The following DPP6 variants were observed in gnomAD, a reference collection of about 807,000 sequenced individuals.
The protein encoded by DPP6 is dipeptidyl peptidase like 6, also known as A-type potassium channel modulatory protein DPP6.
In DPP6, 69 loss-of-function variants were observed where a neutral mutation model predicts 122.6. That is an observed-to-expected ratio of 0.56 (90% CI 0.46 to 0.69). The LOEUF is 0.69. Ranked by LOEUF, DPP6 falls within the 30% of genes least tolerant of loss-of-function variation. The probability of loss-of-function intolerance (pLI) is 0.00; values close to 1 mark genes in which losing one functional copy is unlikely to be tolerated. For missense variants in DPP6, 928 were observed against 1,116.9 expected (o/e 0.83, Z 2.41); for synonymous variants, 418 against 433.1 (o/e 0.97, Z 0.43).
Position 154,334,000 on chromosome 7 carries a change from A to G in DPP6, c.244-112214A>G, listed in dbSNP as rs1414687306. 4.6e-5 allele frequency among the ~76,000 whole-genome samples: 7 copies of G among 152,302 alleles called. No homozygotes were observed. In the South Asian group the frequency reaches 1.2e-3, roughly 27 times the overall value. On this transcript the variant is annotated intron_variant, in intron 1 of 25. Transcript: ENST00000377770. Reference sequence around the variant, plus strand: ...CATAATACATTTCAGAATTATTTTTATAACTTAATAGTATAAATACAAAAT... The same window carrying G: ...CATAATACATTTCAGAATTATTTTTGTAACTTAATAGTATAAATACAAAAT...
intron 1 of DPP6, among the ~76,000 whole-genome samples, chr7:153,894,395 C>T (rs1799323601): frequency 2.6e-5 from 4 of 152,072 alleles, no homozygotes; most frequent in Admixed American, 2.0e-4. Flanking sequence ...CTTCTAGGTC[C>T]CTTGAACATA....
At chr7:154,381,196 T>C (rs1490196749) in intron 1 of DPP6, among the ~76,000 whole-genome samples, 1 of 152,162 alleles carries the variant, frequency 6.6e-6, no homozygotes. Flanking sequence ...GACTCTGTGG[T>C]CTTAAAAGCC....
chr7:154,210,265 AG>A (rs1799670031), intron 1 of DPP6, among the ~76,000 whole-genome samples: 1 of 152,092 alleles, frequency 6.6e-6, no homozygotes, highest in Admixed American at 6.6e-5. Flanking sequence ...AGTCAATGGC[AG>A]GGGGCGTGAT....
In DPP6 at chr7:154,752,395, G is replaced by A. The variant is rs557475677; in HGVS notation, c.884-17022G>A. Among the ~76,000 whole-genome samples, 20 of 152,284 alleles carry A rather than the reference G, an allele frequency of 1.3e-4. No individual in the cohort carries two copies. In the South Asian group the frequency reaches 3.9e-3, roughly 30 times the overall value. On this transcript the variant is annotated intron_variant, in intron 8 of 25. Coordinates refer to ENST00000377770, the MANE Select transcript of DPP6 (RefSeq NM_130797.4). ...ATGGGCTGTGACTGGCAAGGAGCGG[G>A]CCTTGCTAGTTTCAAGATAGAGTTG...
At chr7:153,926,530 G>T (rs1384483466) in intron 1 of DPP6, among the ~76,000 whole-genome samples, 2 of 152,134 alleles carry the variant, frequency 1.3e-5, no homozygotes, top group Admixed American at 1.3e-4. Context: ...TATTTAGATG[G>T]TACAGGTGTC....
intron 1 of DPP6, among the ~76,000 whole-genome samples, chr7:154,027,772 CCCCTTAT>C (rs1190161005): frequency 5.9e-5 from 9 of 151,802 alleles, no homozygotes; most frequent in Non-Finnish European, 1.2e-4. Flanking sequence ...GTCCCTTCTT[CCCCTTAT>C]CCAAATGATA....
chr7:154,678,721 C>T (rs879482511), intron 7 of DPP6, among the ~76,000 whole-genome samples: 11 of 152,194 alleles, frequency 7.2e-5, no homozygotes, highest in African/African-American at 1.7e-4. Context: ...TTGTTTTGCT[C>T]TTAAAGGGTC....
At chr7:154,501,556 C>T (rs147372014) in intron 3 of DPP6, among the ~76,000 whole-genome samples, 6 of 152,330 alleles carry the variant, frequency 3.9e-5, no homozygotes, top group African/African-American at 1.4e-4. Context: ...TCAGAGGGTG[C>T]AAGCCCCAAG....
the DPP6 span, among the ~76,000 whole-genome samples, chr7:153,870,020 A>G: frequency 2.0e-5 from 3 of 152,186 alleles, no homozygotes; most frequent in Non-Finnish European, 2.9e-5. Context: ...TGAGAGATCA[A>G]CTGTTAGTCT....
At chr7:154,818,230 A>T (rs1457080854) in intron 16 of DPP6, among the ~76,000 whole-genome samples, 1 of 152,168 alleles carries the variant, frequency 6.6e-6, no homozygotes, top group Non-Finnish European at 1.5e-5. Flanking sequence ...GAAGGGATGG[A>T]AATGGCTGTC....
At chr7:154,277,336 T>C (rs1349145031) in intron 1 of DPP6, among the ~76,000 whole-genome samples, 1 of 152,164 alleles carries the variant, frequency 6.6e-6, no homozygotes, top group Admixed American at 6.5e-5. Flanking sequence ...ACTGGATTCA[T>C]CTGAGCTAGT....
rs200566795 is a variant in DPP6, at chr7:154,885,743, T to C, written c.2244T>C (p.Tyr748=). The change falls in exon 22 of 26, where the codon TAT becomes TAC. Residue 748 remains tyrosine, a splice_region_variant and synonymous_variant. Transcript: ENST00000377770. ...ALSPITDFKL[Y]ASAFSERYLG... Reference sequence around the variant, plus strand: ...CTCCAATAACAGACTTCAAACTCTATGGTAAATAGCCCTGCAGGACCAAGC... The same window carrying C: ...CTCCAATAACAGACTTCAAACTCTACGGTAAATAGCCCTGCAGGACCAAGC... 6 of 1,587,764 alleles carry C rather than the reference T, an allele frequency of 3.8e-6. No individual in the cohort carries two copies. Among genetic ancestry groups the C allele is most frequent in the East Asian group, 4.6e-5 (2 of 43,590 alleles).
rs1233417346 is a variant in DPP6 at position 154,384,738 on chromosome 7, T to C, written c.244-61476T>C. Among the ~76,000 whole-genome samples, 12 of 88,762 alleles carry C rather than the reference T, an allele frequency of 1.4e-4. 1 individual carries two copies. Among genetic ancestry groups the C allele is most frequent in the African/African-American group, 5.5e-4 (12 of 21,720 alleles). 58.2% of individuals were successfully genotyped at this position (88,762 alleles called of 152,430 possible). ...CTTTTTTTCTTTCTTTCTTTCTTTC[T>C]TTTATTTTTTTTTGAGACAGAGTCT... is the stretch of plus-strand genomic sequence containing the variant. On this transcript the variant is annotated intron_variant, in intron 1 of 25. Coordinates refer to ENST00000377770, the MANE Select transcript of DPP6 (RefSeq NM_130797.4).
At chr7:154,735,560 G>T (rs755843074) in intron 8 of DPP6, among the ~76,000 whole-genome samples, 8 of 152,184 alleles carry the variant, frequency 5.3e-5, no homozygotes, top group Non-Finnish European at 1.0e-4. Flanking sequence ...TAACTAAAAT[G>T]AGTATTTTCC....
At chr7:154,809,071 C>T (rs1449287279) in intron 16 of DPP6, among the ~76,000 whole-genome samples, 1 of 152,078 alleles carries the variant, frequency 6.6e-6, no homozygotes, top group African/African-American at 2.4e-5. Flanking sequence ...TTTGTATTTC[C>T]CAAATTCTTA....
intron 1 of DPP6, among the ~76,000 whole-genome samples, chr7:154,363,856 C>T (rs1811936518): frequency 6.6e-6 from 1 of 152,130 alleles, no homozygotes; most frequent in Non-Finnish European, 1.5e-5. Context: ...TAAACTGTAG[C>T]CATCTGTGTC....
intron 1 of DPP6, among the ~76,000 whole-genome samples, chr7:154,177,234 A>G (rs538714105): frequency 6.6e-6 from 1 of 152,342 alleles, no homozygotes; most frequent in South Asian, 2.1e-4. Flanking sequence ...ATGCATAGAA[A>G]TGGATGGCTT....
At chr7:153,764,860 C>G in the DPP6 span, among the ~76,000 whole-genome samples, 18 of 152,112 alleles carry the variant, frequency 1.2e-4, no homozygotes. Flanking sequence ...ACAGTCCCCT[C>G]TCTTCACATG....
chr7:153,880,654 G>A, the DPP6 span, among the ~76,000 whole-genome samples: 1 of 152,134 alleles, frequency 6.6e-6, no homozygotes, highest in Admixed American at 6.6e-5. Context: ...TTGGAAATTC[G>A]GTCTGTAGCC....
Sources: gnomAD v4.1 joint callset for allele counts (sites outside exome capture counted in the v4.1 genomes callset) on GRCh38, gnomAD v4.1.1 for gene constraint, MANE v1.5 for transcripts, NCBI Gene and HGNC (gene_info 2026-07-23, HGNC 2026-07-21) for gene names.